Variants in LRRC4C observed in about 807,000 individuals in gnomAD.
LRRC4C encodes leucine-rich repeat-containing protein 4C.
In LRRC4C, 5 loss-of-function variants were observed where a neutral mutation model predicts 33.6. The observed-to-expected ratio is 0.15, with a 90% CI of 0.08 to 0.31. The LOEUF (loss-of-function observed/expected upper bound fraction) is 0.31. LRRC4C is among the 10% of genes least tolerant of loss of function. The probability of loss-of-function intolerance (pLI) is 1.00; values close to 1 mark genes in which losing one functional copy is unlikely to be tolerated. For synonymous variants in LRRC4C, 329 were observed against 302.0 expected (o/e 1.09, Z -0.93); for missense variants, 560 against 796.7 (o/e 0.70, Z 3.58).
chr11:40,702,984 G>T (rs2136503021), intron 2 of LRRC4C, among the ~76,000 whole-genome samples: 1 of 152,200 alleles, frequency 6.6e-6, no homozygotes, highest in African/African-American at 2.4e-5. Context: ...GGATTCCATA[G>T]CCATAGTTTC....
chr11:40,187,341 T>C (rs1356284356), intron 5 of LRRC4C, among the ~76,000 whole-genome samples: 1 of 151,594 alleles, frequency 6.6e-6, no homozygotes, highest in Non-Finnish European at 1.5e-5. Flanking sequence ...TTTTTTTTTT[T>C]GAGCTGCTGA....
At chr11:40,761,750 G>A (rs941072043) in intron 2 of LRRC4C, among the ~76,000 whole-genome samples, 1 of 152,082 alleles carries the variant, frequency 6.6e-6, no homozygotes, top group Non-Finnish European at 1.5e-5. Flanking sequence ...GCCAGTTTTT[G>A]GTCAGCTGCT....
At chr11:40,580,086 T>TGTGTGTGC (rs369797293) in intron 3 of LRRC4C, among the ~76,000 whole-genome samples, 1 of 151,728 alleles carries the variant, frequency 6.6e-6, no homozygotes, top group African/African-American at 2.4e-5. Context: ...TGTGTGTGTG[T>TGTGTGTGC]GCCTTTCAAG....
At chr11:40,457,519 C>A (rs1368389572) in intron 3 of LRRC4C, among the ~76,000 whole-genome samples, 2 of 152,118 alleles carry the variant, frequency 1.3e-5, no homozygotes, top group Non-Finnish European at 2.9e-5. Context: ...GGCTTTTGTG[C>A]ATTTCGCAGT....
At chr11:40,343,640 A>G (rs1218806331) in intron 3 of LRRC4C, among the ~76,000 whole-genome samples, 1 of 149,794 alleles carries the variant, frequency 6.7e-6, no homozygotes, top group Non-Finnish European at 1.5e-5. Flanking sequence ...ATGGAGTGAT[A>G]TATAAAGATC....
chr11:40,238,951 A>G (rs916947957), intron 5 of LRRC4C, among the ~76,000 whole-genome samples: 8 of 152,304 alleles, frequency 5.3e-5, no homozygotes, highest in African/African-American at 1.7e-4. Context: ...TATCGGTAAC[A>G]GTCCCATACA....
At chr11:40,385,450 A>G (rs1398354837) in intron 3 of LRRC4C, among the ~76,000 whole-genome samples, 1 of 152,190 alleles carries the variant, frequency 6.6e-6, no homozygotes, top group African/African-American at 2.4e-5. Context: ...AAAAATTACA[A>G]ATACCACATG....
intron 3 of LRRC4C, among the ~76,000 whole-genome samples, chr11:40,342,437 C>G (rs1275672532): frequency 6.6e-6 from 1 of 152,108 alleles, no homozygotes; most frequent in Non-Finnish European, 1.5e-5. Context: ...CCACTGCACT[C>G]CAGCCTGGCG....
intron 2 of LRRC4C, among the ~76,000 whole-genome samples, chr11:40,771,144 C>T (rs900071128): frequency 6.6e-6 from 1 of 152,214 alleles, no homozygotes. Flanking sequence ...AAACTACTGC[C>T]TGGACATCCA....
At chr11:40,809,201 T>C (rs1409946152) in intron 2 of LRRC4C, among the ~76,000 whole-genome samples, 1 of 152,170 alleles carries the variant, frequency 6.6e-6, no homozygotes, top group Non-Finnish European at 1.5e-5. Flanking sequence ...CACCTAATTC[T>C]CTCTCCATTT....
intron 3 of LRRC4C, among the ~76,000 whole-genome samples, chr11:40,515,340 C>G (rs1292564591): frequency 1.3e-5 from 2 of 151,958 alleles, no homozygotes; most frequent in Non-Finnish European, 2.9e-5. Context: ...TTTTAGTTTA[C>G]TAATAGAATT....
intron 2 of LRRC4C, among the ~76,000 whole-genome samples, chr11:40,865,337 A>T (rs1565148566): frequency 6.6e-6 from 1 of 152,108 alleles, no homozygotes; most frequent in Admixed American, 6.6e-5. Context: ...GTTAAAAGGT[A>T]CAAAATTACA....
At chr11:41,173,110 T>C (rs1007970657) in intron 1 of LRRC4C, among the ~76,000 whole-genome samples, 1 of 152,142 alleles carries the variant, frequency 6.6e-6, no homozygotes, top group African/African-American at 2.4e-5. Flanking sequence ...CAAAATAGTC[T>C]CCTGGACACC....
At chr11:40,512,995 A>G (rs1955394430) in intron 3 of LRRC4C, among the ~76,000 whole-genome samples, 1 of 152,128 alleles carries the variant, frequency 6.6e-6, no homozygotes, top group African/African-American at 2.4e-5. Flanking sequence ...CATGCCTGTA[A>G]TCCCAGCACT....
At chr11:40,334,963 GTTAA>G (rs1250559552) in intron 3 of LRRC4C, among the ~76,000 whole-genome samples, 5 of 152,130 alleles carry the variant, frequency 3.3e-5, no homozygotes, top group Non-Finnish European at 1.5e-5. Context: ...CTTTTGTTCA[GTTAA>G]TTAATCAATA....
rs565761667 is a variant in LRRC4C at position 40,372,454 on chromosome 11, C to T, written c.-269-52733G>A. The stretch of plus-strand genomic sequence containing the variant: ...GGAGACAGTTCCTTGCTTTTAAAAG[C>T]CTGTAAGATTAAGACTAGGTTGAAC... On this transcript the variant is annotated intron_variant, in intron 3 of 6. Coordinates refer to ENST00000528697, the MANE Select transcript of LRRC4C (RefSeq NM_001258419.2). Among the ~76,000 whole-genome samples the T allele has an allele frequency of 3.3e-5, 5 of 152,304 alleles. No homozygotes were observed. In the East Asian group the frequency reaches 7.7e-4, roughly 23 times the overall value.
intron 3 of LRRC4C, among the ~76,000 whole-genome samples, chr11:40,642,028 T>C (rs1942152986): frequency 6.6e-6 from 1 of 151,770 alleles, no homozygotes; most frequent in Non-Finnish European, 1.5e-5. Flanking sequence ...CTGCTTTTTT[T>C]TTTTTTTTAA....
At chr11:40,550,471 T>C (rs1425901656) in intron 3 of LRRC4C, among the ~76,000 whole-genome samples, 3 of 152,120 alleles carry the variant, frequency 2.0e-5, no homozygotes, top group African/African-American at 7.2e-5. Context: ...GCATATGCAT[T>C]GCAAACATAT....
intron 1 of LRRC4C, among the ~76,000 whole-genome samples, chr11:41,429,278 T>C (rs569593772): frequency 6.6e-6 from 1 of 152,256 alleles, no homozygotes; most frequent in South Asian, 2.1e-4. Context: ...TGCTGAACTG[T>C]GAGTCAATTA....
Sources: gnomAD v4.1 joint callset for allele counts (sites outside exome capture counted in the v4.1 genomes callset) on GRCh38, gnomAD v4.1.1 for gene constraint, MANE v1.5 for transcripts, NCBI Gene and HGNC (gene_info 2026-07-23, HGNC 2026-07-21) for gene names.